The following LIFR variants were observed in gnomAD, a reference collection of about 807,000 sequenced individuals.
LIFR encodes leukemia inhibitory factor receptor.
Under a neutral mutation model 122.2 loss-of-function variants are expected in LIFR, and 84 were observed. The ratio of observed to expected loss-of-function variants is 0.69; its 90% CI spans 0.58 to 0.82. LIFR has a LOEUF of 0.82. Among genes scored for constraint, LIFR ranks in the 40% least tolerant of loss-of-function variants. LIFR has a pLI of 0.00. For synonymous variants in LIFR, 422 were observed against 434.7 expected (o/e 0.97, Z 0.36); for missense variants, 1,294 against 1,311.6 (o/e 0.99, Z 0.21).
intron 1 of LIFR, among the ~76,000 whole-genome samples, chr5:38,588,089 AG>A (rs900133751): frequency 1.3e-5 from 2 of 152,206 alleles, no homozygotes; most frequent in African/African-American, 4.8e-5. Context: ...CTGCAATTGG[AG>A]GTTGTGAGGG....
chr5:38,481,708 A>G lies in LIFR; in HGVS notation c.3181T>C (p.Cys1061Arg). 6.2e-7 allele frequency: 1 copy of G among 1,614,202 alleles called. No individual in the cohort carries two copies. Among genetic ancestry groups the G allele is most frequent in the South Asian group, 1.1e-5 (1 of 91,090 alleles). The stretch of plus-strand genomic sequence containing the variant: ...AAAAATTGTCGGGAATTAATGGAGC[A>G]TGGACTTCCAAATGAGACAATCTCA... Reference protein sequence around the residue: ...NSEIVSFGSPCSINSRQFLIP... With the variant: ...NSEIVSFGSPRSINSRQFLIP... Residue 1061 changes from cysteine (C) to arginine (R), a missense_variant, in exon 20 of 20, where the codon TGC becomes CGC. Cys to Arg is a radical substitution (Grantham distance 180). Transcript: ENST00000453190.
chr5:38,521,474 G>GT (rs1345384783), intron 5 of LIFR, among the ~76,000 whole-genome samples: 4 of 152,166 alleles, frequency 2.6e-5, no homozygotes, highest in Non-Finnish European at 5.9e-5. Flanking sequence ...TAAGAGTGGC[G>GT]TAAGTGGTCC....
At chr5:38,489,397 G>A (rs192299767) in intron 15 of LIFR, 152 bp from the exon 16 acceptor site, 62 of 719,706 alleles carry the variant, frequency 8.6e-5, no homozygotes, top group Non-Finnish European at 1.3e-4. Context: ...GATCACAAAC[G>A]CTTTTTTTGT....
chr5:38,502,541 G>A, intron 11 of LIFR, 96 bp downstream of exon 11: 1 of 1,033,170 alleles, frequency 9.7e-7, no homozygotes, highest in South Asian at 1.3e-5. Context: ...TTACAGGTGT[G>A]ACCCACTGCA....
At chr5:38,504,423 A>AAAAAAG (rs1554020948) in intron 9 of LIFR, among the ~76,000 whole-genome samples, 8 of 151,496 alleles carry the variant, frequency 5.3e-5, no homozygotes, top group African/African-American at 1.2e-4. Context: ...ACCAAAAAAA[A>AAAAAAG]AAAAGAAAAG....
chr5:38,536,726 A>G (rs976426702), intron 1 of LIFR, among the ~76,000 whole-genome samples: 1 of 152,226 alleles, frequency 6.6e-6, no homozygotes, highest in Non-Finnish European at 1.5e-5. Context: ...CATTAACAAA[A>G]CACGACGGGC....
At chr5:38,506,689 A>G (rs1312820992) in intron 7 of LIFR, 57 bp from the exon 8 acceptor site, 7 of 1,427,700 alleles carry the variant, frequency 4.9e-6, no homozygotes, top group Non-Finnish European at 6.9e-6. Context: ...TGAAAACATA[A>G]TATTTTATAA....
Position 38,475,388 on chromosome 5 carries a change from G to T in LIFR, c.*6207C>A, listed in dbSNP as rs911284490. The T allele has an allele frequency of 1.5e-5, 3 of 196,504 alleles. No homozygotes were observed. The highest frequency in any genetic ancestry group is 6.9e-5 in the African/African-American group (3 of 43,278). 12.2% of individuals were successfully genotyped at this position (196,504 alleles called of 1,614,324 possible). A position where few individuals can be genotyped will look rare whatever the true frequency, so the allele number is the denominator to read the frequency against. On this transcript the variant is annotated 3_prime_UTR_variant, in exon 20 of 20. Coordinates refer to ENST00000453190, the MANE Select transcript of LIFR (RefSeq NM_001127671.2). ...AGTGTATTGAAATGTTTCCTTATACGATTAAACATGATTTTAGGTACAGCA... is the reference window on the plus strand; with the variant it reads ...AGTGTATTGAAATGTTTCCTTATACTATTAAACATGATTTTAGGTACAGCA...
At chr5:38,489,427 C>A (rs1296513469) in intron 15 of LIFR, among the ~76,000 whole-genome samples, 182 bp from the exon 16 acceptor site, 1 of 152,058 alleles carries the variant, frequency 6.6e-6, no homozygotes, top group African/African-American at 2.4e-5. Context: ...ATACTAATAA[C>A]CATAGACAAA....
intron 12 of LIFR, 59 bp downstream of exon 12, chr5:38,499,454 C>T (rs999153971): frequency 1.1e-5 from 13 of 1,153,288 alleles, no homozygotes; most frequent in Middle Eastern, 1.9e-4. Context: ...AAGTACCATG[C>T]GTAAGTTAAG....
At position 38,481,666 on chromosome 5, in the gene LIFR, C is replaced by T. The variant is rs867316235; in HGVS notation, c.3223G>A (p.Glu1075Lys). Residue 1075 changes from glutamate to lysine, a missense_variant, in exon 20 of 20, where the codon GAA becomes AAA. By Grantham distance (56) the Glu-to-Lys change is moderately conservative. Transcript: ENST00000453190. ...CCTCCATTAGATTTAGGAGAGTCTT[C>T]ATCTTTAGGAGGAATCAAAAATTGT... is the stretch of plus-strand genomic sequence containing the variant. ...SRQFLIPPKD[E>K]DSPKSNGGGW... is the part of the protein sequence containing the mutation. The T allele has an allele frequency of 4.3e-6, 7 of 1,613,940 alleles. No individual in the cohort carries two copies. The highest frequency in any genetic ancestry group is 1.6e-4 in the Middle Eastern group (1 of 6,084).
At chr5:38,497,572 T>C (rs937059596) in intron 12 of LIFR, among the ~76,000 whole-genome samples, 3 of 152,202 alleles carry the variant, frequency 2.0e-5, no homozygotes, top group East Asian at 1.9e-4. Flanking sequence ...TGTTTTCTCA[T>C]TTTAAAGTAT....
intron 14 of LIFR, 96 bp downstream of exon 14, chr5:38,493,510 A>G: frequency 3.4e-6 from 4 of 1,172,380 alleles, no homozygotes; most frequent in South Asian, 1.2e-5. Context: ...ATACCCATCC[A>G]GCAGTAAAGA....
chr5:38,564,521 A>G (rs1748941971), intron 1 of LIFR, among the ~76,000 whole-genome samples: 1 of 151,396 alleles, frequency 6.6e-6, no homozygotes, highest in South Asian at 2.1e-4. Flanking sequence ...CCAGTCCCCC[A>G]TGACTGGATT....
chr5:38,500,281 A>G (rs977713384), intron 11 of LIFR, among the ~76,000 whole-genome samples: 3 of 152,172 alleles, frequency 2.0e-5, no homozygotes, highest in Non-Finnish European at 4.4e-5. Flanking sequence ...CTGCTATATC[A>G]CTGCTAACTA....
chr5:38,526,480 T>C (rs1034382962), intron 4 of LIFR, among the ~76,000 whole-genome samples: 1 of 151,958 alleles, frequency 6.6e-6, no homozygotes, highest in Non-Finnish European at 1.5e-5. Flanking sequence ...CTTTATATAA[T>C]TTAGAAAGCA....
intron 5 of LIFR, among the ~76,000 whole-genome samples, chr5:38,520,553 T>A (rs1327590040): frequency 6.6e-6 from 1 of 152,148 alleles, no homozygotes; most frequent in Admixed American, 6.5e-5. Context: ...ATTTTCCCCA[T>A]GTTTTATAGT....
Position 38,487,911 on chromosome 5 carries a change from C to A in LIFR, c.2335+1167G>T, listed in dbSNP as rs151053458. Among the ~76,000 whole-genome samples the A allele has an allele frequency of 6.6e-5, 10 of 152,346 alleles. No homozygotes were observed. The East Asian group carries it at 1.9e-3, about 29-fold the overall frequency. Reference sequence around the variant, plus strand: ...TCTCAACAATGCCTGACTGCCCACACAGATTTCACAATCTTCCACTCATTT... The same window carrying A: ...TCTCAACAATGCCTGACTGCCCACAAAGATTTCACAATCTTCCACTCATTT... On this transcript the variant is annotated intron_variant, in intron 16 of 19. Coordinates refer to ENST00000453190, the MANE Select transcript of LIFR (RefSeq NM_001127671.2).
intron 2 of LIFR, among the ~76,000 whole-genome samples, chr5:38,605,812 A>G (rs1750316460): frequency 6.6e-6 from 1 of 152,172 alleles, no homozygotes; most frequent in Non-Finnish European, 1.5e-5. Flanking sequence ...TCTCTTACCA[A>G]CCCATGACCT....
Sources: gnomAD v4.1 joint callset for allele counts (sites outside exome capture counted in the v4.1 genomes callset) on GRCh38, gnomAD v4.1.1 for gene constraint, MANE v1.5 for transcripts, NCBI Gene and HGNC (gene_info 2026-07-23, HGNC 2026-07-21) for gene names.